Variants in FAM193A observed in about 807,000 individuals in gnomAD.
FAM193A encodes the protein family with sequence similarity 193 member A.
Under a neutral mutation model 126.5 loss-of-function variants are expected in FAM193A, and 22 were observed. The observed-to-expected ratio is 0.17, with a 90% confidence interval of 0.12 to 0.25. The LOEUF (loss-of-function observed/expected upper bound fraction) is 0.25, where lower values mean the gene tolerates loss of function less well. FAM193A is among the 10% of genes least tolerant of loss of function. The pLI is 1.00. For synonymous variants in FAM193A, 761 were observed against 646.8 expected (o/e 1.18, Z -2.68); for missense variants, 1,675 against 1,672.8 (o/e 1.00, Z -0.02).
chr4:2,650,554 G>A, intron 7 of FAM193A, among the ~76,000 whole-genome samples: 1 of 152,200 alleles, frequency 6.6e-6, no homozygotes, highest in Admixed American at 6.5e-5. Context: ...GGAGCTCAGG[G>A]CTCTGAAGCC....
intron 19 of FAM193A, among the ~76,000 whole-genome samples, chr4:2,705,160 T>C (rs944208102): frequency 1.3e-5 from 2 of 152,232 alleles, no homozygotes; most frequent in Non-Finnish European, 2.9e-5. Context: ...TCCGCCTGTC[T>C]TGGCCTCCCA....
chr4:2,548,186 C>T (rs770215990), intron 1 of FAM193A, among the ~76,000 whole-genome samples: 18 of 151,106 alleles, frequency 1.2e-4, no homozygotes, highest in Admixed American at 2.7e-4. Flanking sequence ...ATTCTCCTGC[C>T]TCAGCCTCCC....
intron 1 of FAM193A, among the ~76,000 whole-genome samples, chr4:2,575,765 G>A (rs992374808): frequency 4.0e-5 from 6 of 151,842 alleles, no homozygotes; most frequent in African/African-American, 1.2e-4. Flanking sequence ...CGCGCCCGGC[G>A]AGATACTGGG....
intron 7 of FAM193A, chr4:2,654,933 ACT>A: frequency 2.1e-6 from 1 of 477,100 alleles, no homozygotes; most frequent in Middle Eastern, 2.9e-4. Flanking sequence ...GCCGGCATTA[ACT>A]CTTGTAGTTT....
intron 1 of FAM193A, among the ~76,000 whole-genome samples, chr4:2,589,011 G>A (rs775809272): frequency 3.3e-5 from 5 of 152,146 alleles, no homozygotes; most frequent in Non-Finnish European, 7.3e-5. Flanking sequence ...GAAGTATTTT[G>A]TAGATATTTG....
intron 3 of FAM193A, 118 bp from the exon 4 acceptor site, chr4:2,626,292 C>A: frequency 1.6e-6 from 1 of 625,544 alleles, no homozygotes; most frequent in Non-Finnish European, 2.9e-6. Context: ...GCCTGATTGC[C>A]GGCTCCTGGG....
At position 2,672,348 on chromosome 4, in the gene FAM193A, A is replaced by G; in HGVS notation, c.2307A>G (p.Ala769=). ...CTCTCATCCACCCCACCTTGTATGC[A>G]ACGCCCCCCTTCACACACAGTAAGG... The part of the protein sequence containing the change: ...PRPLIHPTLY[A]TPPFTHSKAL... The change falls in exon 13 of 21, where the codon GCA becomes GCG. Residue 769 remains alanine, a synonymous_variant. Transcript: ENST00000637812. 1.2e-6 allele frequency: 2 copies of G among 1,614,146 alleles called. No homozygotes were observed. The highest frequency in any genetic ancestry group is 1.1e-5 in the South Asian group (1 of 91,072).
At chr4:2,545,565 G>A (rs1737495204) in intron 1 of FAM193A, among the ~76,000 whole-genome samples, 1 of 152,096 alleles carries the variant, frequency 6.6e-6, no homozygotes, top group Non-Finnish European at 1.5e-5. Context: ...CATATGGCTG[G>A]GGGTAGAATT....
intron 1 of FAM193A, among the ~76,000 whole-genome samples, chr4:2,571,815 C>T (rs921077347): frequency 6.6e-6 from 1 of 151,050 alleles, no homozygotes; most frequent in Non-Finnish European, 1.5e-5. Flanking sequence ...GCTGGGATTA[C>T]AGGTGTGAGC....
At chr4:2,619,784 C>T (rs1214637593) in intron 2 of FAM193A, among the ~76,000 whole-genome samples, 2 of 152,088 alleles carry the variant, frequency 1.3e-5, no homozygotes, top group East Asian at 1.9e-4. Flanking sequence ...TCCCCTTCCT[C>T]GGTTCAAACA....
intron 13 of FAM193A, among the ~76,000 whole-genome samples, chr4:2,674,337 C>T (rs1714160860): frequency 6.6e-6 from 1 of 152,194 alleles, no homozygotes; most frequent in Non-Finnish European, 1.5e-5. Context: ...GTTAGCAGCC[C>T]TGAAGGGGTC....
chr4:2,632,189 G>T (rs760383689), intron 5 of FAM193A, among the ~76,000 whole-genome samples: 1 of 152,096 alleles, frequency 6.6e-6, no homozygotes, highest in Non-Finnish European at 1.5e-5. Flanking sequence ...TTTCTTAGTG[G>T]TAAACCTACA....
Position 2,667,704 on chromosome 4 carries a change from T to A in FAM193A, c.2079+4416T>A, listed in dbSNP as rs938131911. Among the ~76,000 whole-genome samples the A allele has an allele frequency of 7.2e-5, 11 of 152,212 alleles. 1 individual carries two copies. Among genetic ancestry groups the A allele is most frequent in the African/African-American group, 2.7e-4 (11 of 41,452 alleles). On this transcript the variant is annotated intron_variant, in intron 12 of 20. Transcript: ENST00000637812. ...GAATCTAAAATTTGTCTAACATCTTTTAGTTGGGCCTTGCATTTTTATCCT... is the reference window on the plus strand; with the variant it reads ...GAATCTAAAATTTGTCTAACATCTTATAGTTGGGCCTTGCATTTTTATCCT...
rs1228399498 is a variant in FAM193A, at chr4:2,665,497, C to A, written c.2079+2209C>A. 2.0e-5 allele frequency among the ~76,000 whole-genome samples: 3 copies of A among 152,062 alleles called. No homozygotes were observed. In the East Asian group the frequency reaches 5.8e-4, roughly 29 times the overall value. ...TTCCCTTCCCTTTCCCTTCTCTTTT[C>A]TTTTTCTTTCCTTCCTTTCTTCTTT... On this transcript the variant is annotated intron_variant, in intron 12 of 20. Coordinates refer to ENST00000637812, the MANE Select transcript of FAM193A (RefSeq NM_001366318.2).
chr4:2,633,826 G>C (rs1743838024), intron 5 of FAM193A, among the ~76,000 whole-genome samples: 1 of 152,196 alleles, frequency 6.6e-6, no homozygotes, highest in Non-Finnish European at 1.5e-5. Context: ...CTGGGAGGTG[G>C]AGGTTGCAGT....
At position 2,694,904 on chromosome 4, in the gene FAM193A, C is replaced by T. The variant is rs751491413; in HGVS notation, c.3093-42C>T. 2.0e-5 allele frequency: 30 copies of T among 1,526,476 alleles called. 1 individual carries two copies. In the East Asian group the frequency reaches 4.9e-4, roughly 25 times the overall value. 94.6% of individuals were successfully genotyped at this position (1,526,476 alleles called of 1,614,324 possible). Reference sequence around the variant, plus strand: ...TGCAACAATGTGAGTCATTGCCTCCCGGGCCGGCCACTTGCTGATGAGCTT... The same window carrying T: ...TGCAACAATGTGAGTCATTGCCTCCTGGGCCGGCCACTTGCTGATGAGCTT... On this transcript the variant is annotated intron_variant, in intron 16 of 20. Coordinates refer to ENST00000637812, the MANE Select transcript of FAM193A (RefSeq NM_001366318.2).
rs139651261 is a variant in FAM193A at position 2,706,273 on chromosome 4, C to T, written c.4372+5729C>T. On this transcript the variant is annotated intron_variant, in intron 19 of 20. Coordinates refer to ENST00000637812, the MANE Select transcript of FAM193A (RefSeq NM_001366318.2). ...GATTCAAGATGCCACCTTTGTCCTA[C>T]AATAAATTTCTTTCTTTCTTTTTTT... is the stretch of plus-strand genomic sequence containing the variant. Among the ~76,000 whole-genome samples the T allele has an allele frequency of 8.8e-3, 1,294 of 147,066 alleles. 14 individuals are homozygous for T. Among genetic ancestry groups the T allele is most frequent in the Non-Finnish European group, 0.013 (884 of 66,804 alleles).
chr4:2,643,633 T>C (rs1744854189), intron 6 of FAM193A, among the ~76,000 whole-genome samples: 1 of 152,146 alleles, frequency 6.6e-6, no homozygotes, highest in African/African-American at 2.4e-5. Flanking sequence ...TTCCCTTGAC[T>C]CCCCACCATT....
In FAM193A at chr4:2,601,477, C is replaced by T. The variant is rs556982926; in HGVS notation, c.501+5148C>T. ...CTCTAACTCCTGACCTCAGGTGATC[C>T]GCCCACCTCGGTCTCCCAAAGTGCT... On this transcript the variant is annotated intron_variant, in intron 2 of 20. Transcript: ENST00000637812. 3.9e-5 allele frequency among the ~76,000 whole-genome samples: 6 copies of T among 152,014 alleles called. No individual in the cohort carries two copies. The East Asian group carries it at 5.8e-4, about 15-fold the overall frequency.
Sources: allele counts gnomAD v4.1 joint callset (sites outside exome capture counted in the v4.1 genomes callset), GRCh38; gene constraint gnomAD v4.1.1; transcripts MANE v1.5; gene names NCBI Gene and HGNC (gene_info 2026-07-23, HGNC 2026-07-21).